The following GLCE variants were observed in gnomAD, a reference collection of about 807,000 sequenced individuals.
GLCE encodes the protein glucuronic acid epimerase.
A neutral mutation model predicts 47.9 loss-of-function variants in GLCE; 19 were observed. The observed-to-expected ratio is 0.40, with a 90% CI of 0.28 to 0.58. The LOEUF is 0.58. Ranked by LOEUF, GLCE falls within the 20% of genes least tolerant of loss-of-function variation. The probability of loss-of-function intolerance (pLI) is 0.48; values close to 1 mark genes in which losing one functional copy is unlikely to be tolerated. For synonymous variants in GLCE, 245 were observed against 263.4 expected (o/e 0.93, Z 0.68); for missense variants, 556 against 743.3 (o/e 0.75, Z 2.93).
At chr15:69,213,038 G>T (rs1043011260) in intron 2 of GLCE, among the ~76,000 whole-genome samples, 1 of 151,964 alleles carries the variant, frequency 6.6e-6, no homozygotes, top group African/African-American at 2.4e-5. Context: ...GCATTTGAAG[G>T]AGAAGAATAA....
At chr15:69,175,177 T>C (rs1236117179) in intron 1 of GLCE, among the ~76,000 whole-genome samples, 1 of 152,152 alleles carries the variant, frequency 6.6e-6, no homozygotes, top group African/African-American at 2.4e-5. Flanking sequence ...ATCTTTAGTC[T>C]TCATCTGATG....
intron 1 of GLCE, among the ~76,000 whole-genome samples, chr15:69,172,671 T>A (rs2051606070): frequency 6.6e-6 from 1 of 152,200 alleles, no homozygotes; most frequent in African/African-American, 2.4e-5. Context: ...GATTAGTAAT[T>A]GCTTAAATGG....
At chr15:69,194,011 GAAGAA>G (rs779705688) in intron 1 of GLCE, among the ~76,000 whole-genome samples, 5 of 152,110 alleles carry the variant, frequency 3.3e-5, no homozygotes, top group Non-Finnish European at 7.4e-5. Flanking sequence ...AGAAATGAGA[GAAGAA>G]AAGAAAAGAG....
At chr15:69,193,511 GATA>G (rs1247199362) in intron 1 of GLCE, among the ~76,000 whole-genome samples, 5 of 152,048 alleles carry the variant, frequency 3.3e-5, no homozygotes, top group Non-Finnish European at 7.4e-5. Context: ...ATATTCAGAA[GATA>G]ATAATGATGC....
chr15:69,210,200 A>G (rs892065689), intron 1 of GLCE, 116 bp from the exon 2 acceptor site: 2 of 152,122 alleles, frequency 1.3e-5, no homozygotes, highest in African/African-American at 4.8e-5. Flanking sequence ...GTTCCTTAGT[A>G]GTTGTTCCAT....
At chr15:69,175,879 G>T (rs780921101) in intron 1 of GLCE, among the ~76,000 whole-genome samples, 1 of 152,134 alleles carries the variant, frequency 6.6e-6, no homozygotes, top group Non-Finnish European at 1.5e-5. Flanking sequence ...AACAAATAAA[G>T]TTTCTGAAGA....
Position 69,270,784 on chromosome 15 carries a change from A to G in GLCE, c.*1540A>G, listed in dbSNP as rs1444783489. On this transcript the variant is annotated 3_prime_UTR_variant, in exon 5 of 5. Coordinates refer to ENST00000261858, the MANE Select transcript of GLCE (RefSeq NM_015554.3). The stretch of plus-strand genomic sequence containing the variant: ...GAAGATACAGATCTGCACTGAAGAC[A>G]TTAGACTGGCCATAGAAAAGTAAGC... 1.3e-5 allele frequency: 2 copies of G among 152,252 alleles called. No homozygotes were observed. Among genetic ancestry groups the G allele is most frequent in the African/African-American group, 2.4e-5 (1 of 41,466 alleles). The allele number at this position is 152,252 out of a possible 1,614,324, so 9.4% of individuals were successfully genotyped here. A position where few individuals can be genotyped will look rare whatever the true frequency, so the allele number is the denominator to read the frequency against.
chr15:69,176,933 A>C (rs1264660840), intron 1 of GLCE, among the ~76,000 whole-genome samples: 1 of 152,188 alleles, frequency 6.6e-6, no homozygotes, highest in Non-Finnish European at 1.5e-5. Flanking sequence ...CTTGAGACTT[A>C]GAGTAGAATC....
intron 2 of GLCE, among the ~76,000 whole-genome samples, chr15:69,211,208 T>C (rs376280135): frequency 7.9e-5 from 12 of 152,230 alleles, no homozygotes; most frequent in South Asian, 6.2e-4. Context: ...ATGCTTATTT[T>C]TTAAGTAGAA....
At chr15:69,206,143 T>C (rs1459948646) in intron 1 of GLCE, among the ~76,000 whole-genome samples, 1 of 152,088 alleles carries the variant, frequency 6.6e-6, no homozygotes, top group African/African-American at 2.4e-5. Context: ...TTGTTTTTCA[T>C]AAACTTGATA....
intron 2 of GLCE, among the ~76,000 whole-genome samples, chr15:69,212,979 T>A (rs576054979): frequency 2.5e-4 from 38 of 152,156 alleles, no homozygotes; most frequent in African/African-American, 8.7e-4. Context: ...CAAATAAATT[T>A]AAAAAAATCA....
chr15:69,259,017 C>A (rs1318807596), intron 3 of GLCE, among the ~76,000 whole-genome samples: 4 of 152,194 alleles, frequency 2.6e-5, no homozygotes, highest in Non-Finnish European at 4.4e-5. Flanking sequence ...GGAACTTGCT[C>A]ATGCTTCCAG....
intron 1 of GLCE, among the ~76,000 whole-genome samples, chr15:69,169,413 T>A (rs969600028): frequency 6.6e-6 from 1 of 151,270 alleles, no homozygotes; most frequent in Non-Finnish European, 1.5e-5. Context: ...TTCTTTTTTT[T>A]AATTATACTT....
At position 69,261,253 on chromosome 15, in the gene GLCE, T is replaced by A; in HGVS notation, c.753T>A (p.Thr251=). The A allele has an allele frequency of 1.9e-6, 3 of 1,614,126 alleles. No individual in the cohort carries two copies. The highest frequency in any genetic ancestry group is 2.5e-6 in the Non-Finnish European group (3 of 1,179,976). The part of the protein sequence containing the change: ...DRDKNKPNDW[T]VPKGCFMANV... ...ACAAAAACAAGCCTAATGACTGGAC[T>A]GTGCCAAAGGGCTGCTTTATGGCGA... The change falls in exon 4 of 5, where the codon ACT becomes ACA. Residue 251 remains threonine (T), a synonymous_variant. Coordinates refer to ENST00000261858, the MANE Select transcript of GLCE (RefSeq NM_015554.3).
chr15:69,252,501 G>A (rs1441357617), intron 2 of GLCE, among the ~76,000 whole-genome samples: 1 of 152,164 alleles, frequency 6.6e-6, no homozygotes, highest in African/African-American at 2.4e-5. Flanking sequence ...ATTCAAGAGG[G>A]ATGCACCCCC....
chr15:69,191,375 A>G (rs1172498423), intron 1 of GLCE, among the ~76,000 whole-genome samples: 3 of 152,182 alleles, frequency 2.0e-5, no homozygotes, highest in Non-Finnish European at 4.4e-5. Context: ...GGGACTTAGC[A>G]TATAGTCAAA....
At position 69,256,838 on chromosome 15, in the gene GLCE, T is replaced by C. The variant is rs186551306; in HGVS notation, c.586+446T>C. Among the ~76,000 whole-genome samples the C allele has an allele frequency of 4.1e-3, 632 of 152,318 alleles. 1 individual carries two copies. Among genetic ancestry groups the C allele is most frequent in the Middle Eastern group, 6.8e-3 (2 of 294 alleles). On this transcript the variant is annotated intron_variant, in intron 3 of 4. Transcript: ENST00000261858. ...TCTTCAGAACAAGACAATATGTAGA[T>C]GCTTTTTCTCTGGACTTATACTGAA...
chr15:69,241,380 G>A (rs2052669374), intron 2 of GLCE, among the ~76,000 whole-genome samples: 1 of 152,156 alleles, frequency 6.6e-6, no homozygotes, highest in Admixed American at 6.5e-5. Context: ...AAAACATACT[G>A]TAGCTGAGAG....
In GLCE at chr15:69,266,583, G is replaced by A. The variant is rs77721148; in HGVS notation, c.830-1637G>A. 9.4e-3 allele frequency among the ~76,000 whole-genome samples: 1,437 copies of A among 152,196 alleles called. 18 individuals carry two copies. The highest frequency in any genetic ancestry group is 0.031 in the African/African-American group (1,277 of 41,500). ...AAGCAGTCCTCCTGCCTTGGCCTCC[G>A]AAACTGCTGAGTGTGACCAGTTGTG... On this transcript the variant is annotated intron_variant, in intron 4 of 4. Transcript: ENST00000261858.
Sources: allele counts gnomAD v4.1 joint callset (sites outside exome capture counted in the v4.1 genomes callset), GRCh38; gene constraint gnomAD v4.1.1; transcripts MANE v1.5; gene names NCBI Gene and HGNC (gene_info 2026-07-23, HGNC 2026-07-21).